The following DNAJC3 variants were observed in gnomAD, a reference collection of about 807,000 sequenced individuals.
DNAJC3 encodes DnaJ heat shock protein family (Hsp40) member C3.
DNAJC3 carries 38 observed loss-of-function variants against 68.6 expected under a neutral mutation model. The observed-to-expected ratio is 0.55, with a 90% CI of 0.43 to 0.73. The LOEUF (loss-of-function observed/expected upper bound fraction) is 0.73. Ranked by LOEUF, DNAJC3 falls within the 30% of genes least tolerant of loss-of-function variation. DNAJC3 has a pLI of 0.00. For synonymous variants in DNAJC3, 203 were observed against 204.0 expected (o/e 1.00, Z 0.04); for missense variants, 526 against 591.9 (o/e 0.89, Z 1.16).
At chr13:95,740,754 G>A (rs1882113643) in intron 4 of DNAJC3, among the ~76,000 whole-genome samples, 1 of 152,188 alleles carries the variant, frequency 6.6e-6, no homozygotes, top group Non-Finnish European at 1.5e-5. Flanking sequence ...AGATGGAAAT[G>A]CAGAAATCAC....
intron 9 of DNAJC3, among the ~76,000 whole-genome samples, chr13:95,770,938 C>G (rs1476895950): frequency 2.0e-5 from 3 of 152,090 alleles, no homozygotes; most frequent in East Asian, 3.8e-4. Context: ...CAGGTAAACC[C>G]TCCCCCCAAC....
chr13:95,774,509 A>G (rs1037535801), intron 9 of DNAJC3, among the ~76,000 whole-genome samples: 1 of 152,140 alleles, frequency 6.6e-6, no homozygotes, highest in African/African-American at 2.4e-5. Flanking sequence ...GTATTCTGCA[A>G]TTGTTGGGTG....
intron 9 of DNAJC3, among the ~76,000 whole-genome samples, chr13:95,767,698 T>G (rs1316919030): frequency 6.6e-6 from 1 of 151,084 alleles, no homozygotes; most frequent in Admixed American, 6.6e-5. Context: ...TGGGTTTTTT[T>G]TTTTTTTTTG....
rs1470056170 is a variant in DNAJC3 at position 95,764,673 on chromosome 13, TATATATATATACACAC to T, written c.1075+722_1075+737del. 1.8e-3 allele frequency among the ~76,000 whole-genome samples: 227 copies of T among 122,776 alleles called. 6 individuals carry two copies. The highest frequency in any genetic ancestry group is 7.6e-3 in the Middle Eastern group (2 of 262). The allele number at this position is 122,776 out of a possible 152,430, so 80.5% of individuals were successfully genotyped here. A position where few individuals can be genotyped will look rare whatever the true frequency, so the allele number is the denominator to read the frequency against. ...ATATATATATATATATATATATATA[TATATATATATACACAC>T]ACACACATATATATATACATATATA... On this transcript the variant is annotated intron_variant, in intron 9 of 11. Transcript: ENST00000602402.
chr13:95,709,094 C>A, intron 1 of DNAJC3, 133 bp from the exon 2 acceptor site: 1 of 552,258 alleles, frequency 1.8e-6, no homozygotes, highest in Non-Finnish European at 2.9e-6. Flanking sequence ...TTCTTTACAT[C>A]ATTTTTCAGC....
intron 2 of DNAJC3, among the ~76,000 whole-genome samples, chr13:95,712,591 G>C (rs1189778313): frequency 1.3e-5 from 2 of 151,978 alleles, no homozygotes; most frequent in Non-Finnish European, 2.9e-5. Flanking sequence ...TTGCCAGGCT[G>C]GTCTTGAACT....
chr13:95,744,433 T>TAA (rs1171373708), intron 4 of DNAJC3, among the ~76,000 whole-genome samples: 5 of 152,242 alleles, frequency 3.3e-5, no homozygotes, highest in Admixed American at 2.6e-4. Context: ...CATGTAAGAA[T>TAA]AATTATAATT....
chr13:95,691,636 C>T (rs1329021018), intron 1 of DNAJC3, among the ~76,000 whole-genome samples: 1 of 152,216 alleles, frequency 6.6e-6, no homozygotes, highest in Non-Finnish European at 1.5e-5. Flanking sequence ...AGACGCTCCT[C>T]ACTTCCCAGA....
At chr13:95,781,029 A>G (rs1883435483) in intron 9 of DNAJC3, among the ~76,000 whole-genome samples, 1 of 152,138 alleles carries the variant, frequency 6.6e-6, no homozygotes, top group Admixed American at 6.5e-5. Context: ...GTAAGTAAAT[A>G]GGACCTGTTC....
At chr13:95,757,511 C>A in intron 4 of DNAJC3, 133 bp from the exon 5 acceptor site, 2 of 910,756 alleles carry the variant, frequency 2.2e-6, no homozygotes, top group Non-Finnish European at 3.0e-6. Context: ...TCAGACAAGC[C>A]AGTTTTTCCA....
intron 1 of DNAJC3, among the ~76,000 whole-genome samples, chr13:95,704,399 C>T (rs1880663483): frequency 6.6e-6 from 1 of 152,162 alleles, no homozygotes; most frequent in Non-Finnish European, 1.5e-5. Context: ...TAAAACAGAG[C>T]CCCATCCTTT....
chr13:95,703,834 T>C (rs534996893), intron 1 of DNAJC3, among the ~76,000 whole-genome samples: 1 of 152,288 alleles, frequency 6.6e-6, no homozygotes, highest in East Asian at 1.9e-4. Flanking sequence ...TCTGGCTTTT[T>C]TTTTTTTTAA....
chr13:95,699,757 T>C (rs1408753040), intron 1 of DNAJC3, among the ~76,000 whole-genome samples: 1 of 152,226 alleles, frequency 6.6e-6, no homozygotes, highest in African/African-American at 2.4e-5. Context: ...TACAGAAATT[T>C]CCAGCACATA....
In DNAJC3 at chr13:95,740,354, C is replaced by T. The variant is rs112318691; in HGVS notation, c.393+15102C>T. On this transcript the variant is annotated intron_variant, in intron 4 of 11. Transcript: ENST00000602402. The stretch of plus-strand genomic sequence containing the variant: ...TGGGCTCCACCCAGTTGGAGCTTCC[C>T]GGCTGCTTTGTTTACCTAAGCAAGC... Among the ~76,000 whole-genome samples the T allele has an allele frequency of 3.2e-4, 49 of 152,198 alleles. 1 individual carries two copies. The highest frequency in any genetic ancestry group is 2.3e-3 in the South Asian group (11 of 4,820).
In DNAJC3 at chr13:95,705,243, G is replaced by A. The variant is rs1593964472; in HGVS notation, c.83-3984G>A. ...CCATTGCACAAGCTTAGATATGATG[G>A]AGAAGGAGGTTGAGTGCCACCCATA... On this transcript the variant is annotated intron_variant, in intron 1 of 11. Transcript: ENST00000602402. Among the ~76,000 whole-genome samples, 11 of 152,266 alleles carry A rather than the reference G, an allele frequency of 7.2e-5. No homozygotes were observed. The South Asian group carries it at 1.9e-3, about 26-fold the overall frequency.
At chr13:95,690,278 G>A (rs951912464) in intron 1 of DNAJC3, among the ~76,000 whole-genome samples, 1 of 152,050 alleles carries the variant, frequency 6.6e-6, no homozygotes, top group African/African-American at 2.4e-5. Context: ...TACAGCACAT[G>A]TTTCAGAGAG....
Position 95,791,246 on chromosome 13 carries a change from A to G in DNAJC3, c.*216A>G. ...CAAGGAATGGTTCTATTTCTGACAG[A>G]GCAGCCTGCATCTGCTTTATGCTGT... On this transcript the variant is annotated 3_prime_UTR_variant, in exon 12 of 12. Transcript: ENST00000602402. 1 of 574,776 alleles carries G rather than the reference A, an allele frequency of 1.7e-6. No homozygotes were observed. Among genetic ancestry groups the G allele is most frequent in the South Asian group, 2.0e-5 (1 of 48,956 alleles). The allele number at this position is 574,776 out of a possible 1,614,324, so 35.6% of individuals were successfully genotyped here.
intron 1 of DNAJC3, among the ~76,000 whole-genome samples, chr13:95,708,190 T>A (rs1880822592): frequency 6.6e-6 from 1 of 152,162 alleles, no homozygotes; most frequent in Admixed American, 6.5e-5. Context: ...TTCTGCAGTG[T>A]TGCTTCAGTG....
chr13:95,737,929 G>A (rs1244732810), intron 4 of DNAJC3, among the ~76,000 whole-genome samples: 4 of 95,548 alleles, frequency 4.2e-5, no homozygotes, highest in Admixed American at 2.2e-4. Context: ...TGTCAATTTT[G>A]GATCTTTCCT....
Sources: allele counts gnomAD v4.1 joint callset (sites outside exome capture counted in the v4.1 genomes callset), GRCh38; gene constraint gnomAD v4.1.1; transcripts MANE v1.5; gene names NCBI Gene and HGNC (gene_info 2026-07-23, HGNC 2026-07-21).